FREM3: variants seen among roughly 807,000 people sequenced by gnomAD.
FREM3 encodes FRAS1-related extracellular matrix protein 3.
A neutral mutation model predicts 129.1 loss-of-function variants in FREM3; 105 were observed. The observed-to-expected ratio is 0.81, with a 90% confidence interval of 0.69 to 0.96. The LOEUF is 0.96. FREM3 is among the 40% of genes least tolerant of loss of function. FREM3 has a pLI of 0.00. For missense variants in FREM3, 2,593 were observed against 2,666.3 expected, an observed-to-expected ratio of 0.97 and a Z score of 0.61; for synonymous variants, 1,014 against 1,044.9, an observed-to-expected ratio of 0.97 and a Z score of 0.57.
At chr4:143,603,371 T>C (rs573621670) in intron 6 of FREM3, among the ~76,000 whole-genome samples, 1 of 152,346 alleles carries the variant, frequency 6.6e-6, no homozygotes, top group Admixed American at 6.5e-5. Flanking sequence ...AAAATGATTT[T>C]GATACATTTT....
chr4:143,687,058 G>C (rs1473907704), intron 2 of FREM3, among the ~76,000 whole-genome samples: 1 of 151,766 alleles, frequency 6.6e-6, no homozygotes, highest in African/African-American at 2.4e-5. Context: ...TTTTTTCAAA[G>C]ATATTATCTT....
rs538400421 is a variant in FREM3, at chr4:143,587,003, A to G, written c.6029-1010T>C. ...CAGGAGTGTATCTGAATTTAAATTCAAATTTTTGGAGGCTAGGAATCAGAT... is the reference window on the plus strand; with the variant it reads ...CAGGAGTGTATCTGAATTTAAATTCGAATTTTTGGAGGCTAGGAATCAGAT... On this transcript the variant is annotated intron_variant, in intron 6 of 7. Transcript: ENST00000329798. 6.6e-5 allele frequency among the ~76,000 whole-genome samples: 10 copies of G among 152,326 alleles called. No individual in the cohort carries two copies. In the East Asian group the frequency reaches 1.7e-3, roughly 26 times the overall value.
chr4:143,597,390 G>A (rs1171260659), intron 6 of FREM3, among the ~76,000 whole-genome samples: 4 of 152,126 alleles, frequency 2.6e-5, no homozygotes. Flanking sequence ...AATGAAAGGA[G>A]ATAGAAAATC....
intron 6 of FREM3, among the ~76,000 whole-genome samples, chr4:143,594,642 A>G (rs891438138): frequency 5.9e-5 from 9 of 152,238 alleles, no homozygotes; most frequent in East Asian, 5.8e-4. Context: ...GAGAAAGGTA[A>G]AAAACATTTG....
intron 2 of FREM3, among the ~76,000 whole-genome samples, chr4:143,642,514 G>A (rs1236804895): frequency 6.6e-6 from 1 of 152,010 alleles, no homozygotes; most frequent in Non-Finnish European, 1.5e-5. Context: ...TTTTAGCAAA[G>A]GTAACAAGAA....
intron 2 of FREM3, among the ~76,000 whole-genome samples, chr4:143,653,716 G>A (rs1222073372): frequency 6.6e-6 from 1 of 152,178 alleles, no homozygotes; most frequent in Non-Finnish European, 1.5e-5. Context: ...CAACTTGGCT[G>A]CACATTAGAA....
intron 2 of FREM3, among the ~76,000 whole-genome samples, chr4:143,666,866 C>T (rs1399418594): frequency 6.6e-6 from 1 of 151,762 alleles, no homozygotes; most frequent in Non-Finnish European, 1.5e-5. Context: ...GTTAAAATTA[C>T]AAAATTTATG....
rs1037611626 is a variant in FREM3 at position 143,693,214 on chromosome 4, G to A, written c.5186-12C>T. 77 of 1,413,394 alleles carry A rather than the reference G, an allele frequency of 5.4e-5. No individual in the cohort carries two copies. The highest frequency in any genetic ancestry group is 3.6e-4 in the Middle Eastern group (2 of 5,536). The allele number at this position is 1,413,394 out of a possible 1,614,324, so 87.6% of individuals were successfully genotyped here. On this transcript the variant is annotated splice_polypyrimidine_tract_variant and intron_variant, in intron 1 of 7. Coordinates refer to ENST00000329798, the MANE Select transcript of FREM3 (RefSeq NM_001168235.2). Reference sequence around the variant, plus strand: ...CTCATCAATGTCAGCTAAAAAAAAAGCAACCATCACACAAAGTCATATTGG... The same window carrying A: ...CTCATCAATGTCAGCTAAAAAAAAAACAACCATCACACAAAGTCATATTGG...
At chr4:143,677,659 A>T (rs1306185081) in intron 2 of FREM3, among the ~76,000 whole-genome samples, 1 of 152,234 alleles carries the variant, frequency 6.6e-6, no homozygotes, top group Non-Finnish European at 1.5e-5. Context: ...CAAAGGGCTA[A>T]TATCCAGAAT....
chr4:143,638,538 A>G (rs1254351927), intron 2 of FREM3, among the ~76,000 whole-genome samples: 1 of 152,160 alleles, frequency 6.6e-6, no homozygotes, highest in Non-Finnish European at 1.5e-5. Context: ...AATCATGCTC[A>G]TTTTCGGATA....
intron 2 of FREM3, among the ~76,000 whole-genome samples, chr4:143,651,239 A>G (rs941828006): frequency 6.6e-6 from 1 of 152,190 alleles, no homozygotes; most frequent in Non-Finnish European, 1.5e-5. Flanking sequence ...GAATCTATAA[A>G]CAAATAGTTA....
intron 2 of FREM3, among the ~76,000 whole-genome samples, chr4:143,692,414 T>C (rs1226679010): frequency 1.3e-5 from 2 of 152,154 alleles, no homozygotes; most frequent in African/African-American, 4.8e-5. Flanking sequence ...TGATTTGTAT[T>C]GAAAGAGGTT....
intron 1 of FREM3, among the ~76,000 whole-genome samples, chr4:143,694,655 C>T (rs1409048545): frequency 6.6e-6 from 1 of 152,028 alleles, no homozygotes; most frequent in Admixed American, 6.5e-5. Context: ...TGTTGTTATA[C>T]TTTAAGTTCT....
At chr4:143,693,947 A>G (rs963420411) in intron 1 of FREM3, among the ~76,000 whole-genome samples, 1 of 152,166 alleles carries the variant, frequency 6.6e-6, no homozygotes, top group African/African-American at 2.4e-5. Flanking sequence ...CTTAAATGAT[A>G]AGAACTCATG....
chr4:143,630,603 C>T (rs1404103504), intron 2 of FREM3, among the ~76,000 whole-genome samples: 2 of 152,106 alleles, frequency 1.3e-5, no homozygotes, highest in East Asian at 1.9e-4. Context: ...TCACTGTAAC[C>T]TGACATCACC....
chr4:143,657,332 T>A (rs1466105896), intron 2 of FREM3, among the ~76,000 whole-genome samples: 1 of 152,180 alleles, frequency 6.6e-6, no homozygotes, highest in Non-Finnish European at 1.5e-5. Context: ...ATAAGAATAA[T>A]CCAAATAGAC....
At position 143,693,214 on chromosome 4, in the gene FREM3, GC is replaced by G. The variant is rs1740505477; in HGVS notation, c.5186-13del. ...CTCATCAATGTCAGCTAAAAAAAAA[GC>G]AACCATCACACAAAGTCATATTGGC... On this transcript the variant is annotated splice_polypyrimidine_tract_variant and intron_variant, in intron 1 of 7. Transcript: ENST00000329798. 1 of 1,413,274 alleles carries G rather than the reference GC, an allele frequency of 7.1e-7. No individual in the cohort carries two copies. Among genetic ancestry groups the G allele is most frequent in the African/African-American group, 1.4e-5 (1 of 69,428 alleles). The allele number at this position is 1,413,274 out of a possible 1,614,324, so 87.5% of individuals were successfully genotyped here.
At chr4:143,647,110 T>C (rs1409970159) in intron 2 of FREM3, among the ~76,000 whole-genome samples, 1 of 152,160 alleles carries the variant, frequency 6.6e-6, no homozygotes, top group East Asian at 1.9e-4. Flanking sequence ...CAGATGGAGA[T>C]GAGGAACTTG....
chr4:143,635,732 T>C (rs1299863813), intron 2 of FREM3, among the ~76,000 whole-genome samples: 2 of 152,320 alleles, frequency 1.3e-5, no homozygotes, highest in East Asian at 1.9e-4. Context: ...TTGGCGTAGA[T>C]AATCAAACAC....
Sources: gnomAD v4.1 joint callset for allele counts (sites outside exome capture counted in the v4.1 genomes callset) on GRCh38, gnomAD v4.1.1 for gene constraint, MANE v1.5 for transcripts, NCBI Gene and HGNC (gene_info 2026-07-23, HGNC 2026-07-21) for gene names.